COG5: variants seen among roughly 807,000 people sequenced by gnomAD.
The protein encoded by COG5 is component of oligomeric golgi complex 5.
A neutral mutation model predicts 110.4 loss-of-function variants in COG5; 86 were observed. The observed-to-expected ratio is 0.78, with a 90% CI of 0.65 to 0.93. The LOEUF (loss-of-function observed/expected upper bound fraction) is 0.93. COG5 is among the 40% of genes least tolerant of loss of function. COG5 has a pLI of 0.00. For synonymous variants in COG5, 360 were observed against 334.6 expected, an observed-to-expected ratio of 1.08 and a Z score of -0.83; for missense variants, 1,077 against 987.0, an observed-to-expected ratio of 1.09 and a Z score of -1.22.
intron 6 of COG5, among the ~76,000 whole-genome samples, chr7:107,463,450 G>A (rs563128359): frequency 6.6e-6 from 1 of 152,180 alleles, no homozygotes; most frequent in Non-Finnish European, 1.5e-5. Context: ...GGGGAAAGGG[G>A]ACAGGGGAAC....
chr7:107,533,265 C>T (rs1436273348), intron 5 of COG5, among the ~76,000 whole-genome samples: 1 of 151,472 alleles, frequency 6.6e-6, no homozygotes, highest in Non-Finnish European at 1.5e-5. Flanking sequence ...TCTTCTCCTC[C>T]AAAGGATCAC....
At chr7:107,424,927 C>T (rs935755530) in intron 6 of COG5, among the ~76,000 whole-genome samples, 2 of 152,038 alleles carry the variant, frequency 1.3e-5, no homozygotes, top group African/African-American at 2.4e-5. Context: ...ACTGACTTTG[C>T]AATATATTAA....
At position 107,461,102 on chromosome 7, in the gene COG5, A is replaced by T. The variant is rs116566023; in HGVS notation, c.539-48470T>A. ...ATCTTTCAACTCACTGGAGTCCAGC[A>T]TTGTCCTGATTCCAAAACCAGATCA... On this transcript the variant is annotated intron_variant, in intron 6 of 21. Coordinates refer to ENST00000297135, the MANE Select transcript of COG5 (RefSeq NM_006348.5). 5.5e-3 allele frequency among the ~76,000 whole-genome samples: 837 copies of T among 152,240 alleles called. 8 individuals are homozygous for T. Among genetic ancestry groups the T allele is most frequent in the African/African-American group, 0.019 (807 of 41,564 alleles).
At chr7:107,505,985 G>C (rs554982582) in intron 6 of COG5, among the ~76,000 whole-genome samples, 3 of 152,334 alleles carry the variant, frequency 2.0e-5, no homozygotes, top group Non-Finnish European at 4.4e-5. Flanking sequence ...GGGGTGGCAG[G>C]AAAGTGACAC....
intron 6 of COG5, among the ~76,000 whole-genome samples, chr7:107,523,901 C>G (rs1228760740): frequency 6.6e-6 from 1 of 151,824 alleles, no homozygotes; most frequent in Non-Finnish European, 1.5e-5. Context: ...AAACATATAC[C>G]TACCATATGA....
chr7:107,425,789 T>G (rs934458871), intron 6 of COG5, among the ~76,000 whole-genome samples: 1 of 152,130 alleles, frequency 6.6e-6, no homozygotes, highest in Non-Finnish European at 1.5e-5. Context: ...ATGCTTACTA[T>G]GTGTTATGGG....
At chr7:107,504,890 T>C (rs1006534615) in intron 6 of COG5, among the ~76,000 whole-genome samples, 8 of 152,184 alleles carry the variant, frequency 5.3e-5, no homozygotes, top group African/African-American at 1.9e-4. Flanking sequence ...CTTCTTTTTT[T>C]TCTTGGTTCA....
chr7:107,558,192 A>G, intron 1 of COG5, 77 bp from the exon 2 acceptor site: 3 of 1,423,698 alleles, frequency 2.1e-6, no homozygotes, highest in Non-Finnish European at 2.9e-6. Flanking sequence ...GAACAATTAT[A>G]ATCATAATTA....
In COG5 at chr7:107,476,304, G is replaced by GAA. The variant is rs5886418; in HGVS notation, c.538+50931_538+50932dup. On this transcript the variant is annotated intron_variant, in intron 6 of 21. Transcript: ENST00000297135. ...CTACCCAAATCTGAATACCAGGAATGAAAAAAAAAAGACTTTAAATCATTA... is the reference window on the plus strand; with the variant it reads ...CTACCCAAATCTGAATACCAGGAATGAAAAAAAAAAAAGACTTTAAATCATTA... Among the ~76,000 whole-genome samples, 232 of 144,138 alleles carry GAA rather than the reference G, an allele frequency of 1.6e-3. 2 individuals are homozygous for GAA. The highest frequency in any genetic ancestry group is 4.6e-3 in the African/African-American group (179 of 38,930). The allele number at this position is 144,138 out of a possible 152,430, so 94.6% of individuals were successfully genotyped here. A position where few individuals can be genotyped will look rare whatever the true frequency, so the allele number is the denominator to read the frequency against.
intron 14 of COG5, among the ~76,000 whole-genome samples, chr7:107,263,753 A>G (rs1482083251): frequency 6.6e-6 from 1 of 152,246 alleles, no homozygotes. Context: ...CATTAGGAAC[A>G]GCATGTGAAT....
In COG5 at chr7:107,205,966, T is replaced by A. The variant is rs376776044; in HGVS notation, c.2376-2336A>T. On this transcript the variant is annotated intron_variant, in intron 21 of 21. Coordinates refer to ENST00000297135, the MANE Select transcript of COG5 (RefSeq NM_006348.5). Reference sequence around the variant, plus strand: ...AAGAAGTGTAGCTGTTTTTTTTTTTTTTTTATTTTTTTGAGACGGAGTCTT... The same window carrying A: ...AAGAAGTGTAGCTGTTTTTTTTTTTATTTTATTTTTTTGAGACGGAGTCTT... 2.0e-3 allele frequency among the ~76,000 whole-genome samples: 278 copies of A among 142,324 alleles called. 1 individual carries two copies. The highest frequency in any genetic ancestry group is 3.8e-3 in the Middle Eastern group (1 of 262). The allele number at this position is 142,324 out of a possible 152,430, so 93.4% of individuals were successfully genotyped here. A position where few individuals can be genotyped will look rare whatever the true frequency, so the allele number is the denominator to read the frequency against.
In COG5 at chr7:107,514,591, T is replaced by C. The variant is rs377356318; in HGVS notation, c.538+12646A>G. Among the ~76,000 whole-genome samples, 17 of 152,302 alleles carry C rather than the reference T, an allele frequency of 1.1e-4. No homozygotes were observed. The East Asian group carries it at 3.3e-3, about 29-fold the overall frequency. ...TGCCACAGAGTTTAAGAAAAGAGTA[T>C]AGCATTGGTGGTTTACCAGCTCAGG... On this transcript the variant is annotated intron_variant, in intron 6 of 21. Transcript: ENST00000297135.
intron 21 of COG5, among the ~76,000 whole-genome samples, chr7:107,206,953 C>A (rs1353004264): frequency 6.6e-6 from 1 of 151,632 alleles, no homozygotes; most frequent in Non-Finnish European, 1.5e-5. Flanking sequence ...GGTTTGTAAC[C>A]AAAATAAGTA....
chr7:107,465,120 C>T (rs555491689), intron 6 of COG5, among the ~76,000 whole-genome samples: 35 of 152,170 alleles, frequency 2.3e-4, no homozygotes, highest in Admixed American at 1.1e-3. Context: ...TACCAGAGGT[C>T]CTAGGCAGTA....
At chr7:107,323,779 T>C (rs1431289455) in intron 11 of COG5, among the ~76,000 whole-genome samples, 1 of 152,314 alleles carries the variant, frequency 6.6e-6, no homozygotes, top group Middle Eastern at 3.4e-3. Flanking sequence ...AGTAAATGCT[T>C]GTGAATAAAA....
chr7:107,480,232 A>G (rs1797255660), intron 6 of COG5, among the ~76,000 whole-genome samples: 1 of 152,152 alleles, frequency 6.6e-6, no homozygotes, highest in South Asian at 2.1e-4. Flanking sequence ...GCAACTGAGA[A>G]GGTTATATTT....
At chr7:107,530,154 C>T (rs1309326440) in intron 5 of COG5, among the ~76,000 whole-genome samples, 2 of 152,126 alleles carry the variant, frequency 1.3e-5, no homozygotes, top group East Asian at 1.9e-4. Flanking sequence ...ACCAACTATC[C>T]TACTGCATAA....
intron 6 of COG5, among the ~76,000 whole-genome samples, chr7:107,498,101 C>G (rs1423723260): frequency 6.6e-6 from 1 of 151,980 alleles, no homozygotes; most frequent in Non-Finnish European, 1.5e-5. Context: ...GAAATTGGAC[C>G]CTTAGTCTTA....
chr7:107,350,709 G>A (rs116354160), intron 10 of COG5, among the ~76,000 whole-genome samples: 1,818 of 152,170 alleles, frequency 0.012, 23 homozygotes, highest in African/African-American at 0.041. Flanking sequence ...TGTTTCTTAC[G>A]GGAATGACAC....
Sources: allele counts gnomAD v4.1 joint callset (sites outside exome capture counted in the v4.1 genomes callset), GRCh38; gene constraint gnomAD v4.1.1; transcripts MANE v1.5; gene names NCBI Gene and HGNC (gene_info 2026-07-23, HGNC 2026-07-21).